Variants in DIAPH2 observed in about 807,000 individuals in gnomAD.
DIAPH2 encodes the protein diaphanous related formin 2.
Under a neutral mutation model 92.7 loss-of-function variants are expected in DIAPH2, and 35 were observed. The observed-to-expected ratio is 0.38, with a 90% CI of 0.29 to 0.50. The LOEUF is 0.50. Among genes scored for constraint, DIAPH2 ranks in the 20% least tolerant of loss-of-function variants. DIAPH2 has a pLI of 0.94. For synonymous variants in DIAPH2, 301 were observed against 280.4 expected, an observed-to-expected ratio of 1.07 and a Z score of -0.73; for missense variants, 701 against 819.5, an observed-to-expected ratio of 0.86 and a Z score of 1.77.
At chrX:97,572,561 T>C (rs2071376675) in intron 26 of DIAPH2, among the ~76,000 whole-genome samples, 1 of 111,796 alleles carries the variant, frequency 8.9e-6, no homozygotes, top group Admixed American at 9.5e-5. Flanking sequence ...TTAAAGGTGA[T>C]AATGCTTTTT....
chrX:97,318,627 A>G (rs2068863126), intron 23 of DIAPH2, among the ~76,000 whole-genome samples: 1 of 105,644 alleles, frequency 9.5e-6, no homozygotes, highest in African/African-American at 3.5e-5. Flanking sequence ...CTGGGATTAC[A>G]GGCACCCGCC....
chrX:97,455,126 C>T (rs1355226742), intron 26 of DIAPH2, among the ~76,000 whole-genome samples: 2 of 112,083 alleles, frequency 1.8e-5, no homozygotes, highest in African/African-American at 6.5e-5. Context: ...AAAATTGTTG[C>T]TATTTAGGAC....
chrX:97,371,982 G>C (rs759389477), intron 24 of DIAPH2, among the ~76,000 whole-genome samples: 1 of 112,622 alleles, frequency 8.9e-6, no homozygotes, highest in African/African-American at 3.2e-5. Flanking sequence ...TTGGCATGTT[G>C]AGCTCAGTTG....
intron 17 of DIAPH2, among the ~76,000 whole-genome samples, chrX:96,977,964 G>A (rs372397202): frequency 4.5e-5 from 5 of 112,156 alleles, no homozygotes; most frequent in East Asian, 2.8e-4. Flanking sequence ...GATTACAGGC[G>A]TGAGCCACCG....
intron 5 of DIAPH2, among the ~76,000 whole-genome samples, chrX:96,911,368 CTAGAAG>C (rs147837909): frequency 0.36 from 39,119 of 107,886 alleles, 6,404 homozygotes; most frequent in Non-Finnish European, 0.48. Flanking sequence ...AGGAGGCATT[CTAGAAG>C]TAGAAGTAGA....
chrX:96,787,406 A>AG (rs1376279019), intron 4 of DIAPH2, among the ~76,000 whole-genome samples: 1 of 111,233 alleles, frequency 9.0e-6, no homozygotes, highest in Non-Finnish European at 1.9e-5. Context: ...GATTTTTTTA[A>AG]GGTAAAGAGG....
At chrX:97,247,186 A>C (rs987455646) in intron 22 of DIAPH2, among the ~76,000 whole-genome samples, 3 of 111,723 alleles carry the variant, frequency 2.7e-5, no homozygotes, top group African/African-American at 9.7e-5. Context: ...GCTCTAAATT[A>C]TCTTTCTGTA....
chrX:97,375,310 C>A (rs1223755745), intron 24 of DIAPH2, among the ~76,000 whole-genome samples: 1 of 110,777 alleles, frequency 9.0e-6, no homozygotes, highest in Non-Finnish European at 1.9e-5. Context: ...ACAAAAATTA[C>A]CTGGGCGTCG....
chrX:97,554,466 A>G (rs1013174873), intron 26 of DIAPH2, among the ~76,000 whole-genome samples: 5 of 112,287 alleles, frequency 4.5e-5, no homozygotes, highest in African/African-American at 1.6e-4. Flanking sequence ...CATCTGCTAT[A>G]AGCTTTCCCA....
At chrX:97,487,305 C>T (rs1350483895) in intron 26 of DIAPH2, among the ~76,000 whole-genome samples, 2 of 111,069 alleles carry the variant, frequency 1.8e-5, no homozygotes, top group East Asian at 5.7e-4. Context: ...GACAGAGTCT[C>T]GCTCTGTCAC....
intron 26 of DIAPH2, among the ~76,000 whole-genome samples, chrX:97,551,611 TTAAAA>T (rs1365915855): frequency 1.8e-5 from 2 of 108,926 alleles, no homozygotes; most frequent in Non-Finnish European, 3.8e-5. Context: ...AAAAAAAAAA[TTAAAA>T]TTAAATTTAA....
chrX:96,864,667 A>T (rs1351384130), intron 4 of DIAPH2, among the ~76,000 whole-genome samples: 3 of 111,707 alleles, frequency 2.7e-5, no homozygotes, highest in Non-Finnish European at 5.6e-5. Context: ...AAAGCAGTGA[A>T]TTTTTTTGTA....
intron 22 of DIAPH2, among the ~76,000 whole-genome samples, chrX:97,159,785 A>G (rs1256383231): frequency 8.9e-6 from 1 of 112,268 alleles, no homozygotes; most frequent in East Asian, 2.7e-4. Flanking sequence ...CTTAGTAAAA[A>G]CGGAAAAATT....
At chrX:97,400,684 C>T (rs1284916728) in intron 25 of DIAPH2, among the ~76,000 whole-genome samples, 1 of 84,744 alleles carries the variant, frequency 1.2e-5, no homozygotes, top group Non-Finnish European at 2.4e-5. Context: ...CCCATCTCTT[C>T]CCCCAGCTGT....
intron 23 of DIAPH2, among the ~76,000 whole-genome samples, chrX:97,292,009 T>G: frequency 9.0e-6 from 1 of 111,153 alleles, no homozygotes; most frequent in East Asian, 2.8e-4. Context: ...CCTTCTGACA[T>G]TTACACTACT....
At chrX:97,582,540 A>T (rs1366225066) in intron 26 of DIAPH2, among the ~76,000 whole-genome samples, 4 of 109,991 alleles carry the variant, frequency 3.6e-5, no homozygotes, top group Non-Finnish European at 7.6e-5. Flanking sequence ...CTGCCGAGAG[A>T]TCCGCTGTTA....
At position 97,484,965 on chromosome X, in the gene DIAPH2, A is replaced by G. The variant is rs191643862; in HGVS notation, c.3241+55220A>G. On this transcript the variant is annotated intron_variant, in intron 26 of 26. Coordinates refer to ENST00000324765, the MANE Select transcript of DIAPH2 (RefSeq NM_006729.5). ...GTGGGGAAACAAACTATTTTAAACTAAAGTAGTAGCACATGCTTACTGGCA... is the reference window on the plus strand; with the variant it reads ...GTGGGGAAACAAACTATTTTAAACTGAAGTAGTAGCACATGCTTACTGGCA... Among the ~76,000 whole-genome samples the G allele has an allele frequency of 4.4e-5, 5 of 112,742 alleles. No individual in the cohort carries two copies. In the Admixed American group the frequency reaches 4.7e-4, roughly 11 times the overall value.
intron 24 of DIAPH2, among the ~76,000 whole-genome samples, chrX:97,356,235 T>C (rs1307325526): frequency 1.8e-5 from 2 of 111,635 alleles, no homozygotes; most frequent in African/African-American, 6.5e-5. Context: ...CCTAAAATCT[T>C]AAGCCCCTCC....
At chrX:97,235,024 T>C (rs2068037337) in intron 22 of DIAPH2, among the ~76,000 whole-genome samples, 1 of 112,665 alleles carries the variant, frequency 8.9e-6, no homozygotes, top group Non-Finnish European at 1.9e-5. Flanking sequence ...TGTATATATT[T>C]TTGCCAGAAC....
Sources: allele counts gnomAD v4.1 joint callset (sites outside exome capture counted in the v4.1 genomes callset), GRCh38; gene constraint gnomAD v4.1.1; transcripts MANE v1.5; gene names NCBI Gene and HGNC (gene_info 2026-07-23, HGNC 2026-07-21).